CENPE: variants seen among roughly 807,000 people sequenced by gnomAD.
The protein encoded by CENPE is centromere-associated protein E.
Under a neutral mutation model 336.1 loss-of-function variants are expected in CENPE, and 145 were observed. The observed-to-expected ratio is 0.43, with a 90% confidence interval of 0.38 to 0.50. CENPE has a LOEUF of 0.50. Ranked by LOEUF, CENPE falls within the 20% of genes least tolerant of loss-of-function variation. The pLI is 0.00. For synonymous variants in CENPE, 1,013 were observed against 984.8 expected (o/e 1.03, Z -0.54); for missense variants, 2,719 against 3,023.3 (o/e 0.90, Z 2.36).
chr4:103,124,944 C>T (rs1373190722), intron 42 of CENPE, among the ~76,000 whole-genome samples: 1 of 152,206 alleles, frequency 6.6e-6, no homozygotes, highest in African/African-American at 2.4e-5. Flanking sequence ...TGCTGATCCA[C>T]ATAGTAGAAA....
At chr4:103,144,232 G>T in intron 33 of CENPE, 99 bp downstream of exon 33, 3 of 1,066,416 alleles carry the variant, frequency 2.8e-6, no homozygotes. Flanking sequence ...CACCGCGCCC[G>T]GCCTGGACCA....
intron 9 of CENPE, among the ~76,000 whole-genome samples, chr4:103,185,029 G>A (rs1756643353): frequency 6.6e-6 from 1 of 152,064 alleles, no homozygotes; most frequent in African/African-American, 2.4e-5. Context: ...CTTAGGCCGG[G>A]TGTGGTGGCT....
At chr4:103,119,202 C>T (rs1193072455) in intron 44 of CENPE, among the ~76,000 whole-genome samples, 1 of 152,028 alleles carries the variant, frequency 6.6e-6, no homozygotes, top group East Asian at 1.9e-4. Flanking sequence ...AATATACCTT[C>T]TATGTTTTAC....
Position 103,181,473 on chromosome 4 carries a change from A to G in CENPE, c.964-17T>C, listed in dbSNP as rs769048100. On this transcript the variant is annotated splice_polypyrimidine_tract_variant and intron_variant, in intron 11 of 48. Transcript: ENST00000265148. ...ACTGGCAAACTGGAAAAAAAATACG[A>G]AAGTGCTAAGTGTTCAACACTTAAA... The G allele has an allele frequency of 2.6e-6, 4 of 1,556,596 alleles. No individual in the cohort carries two copies. Among genetic ancestry groups the G allele is most frequent in the East Asian group, 4.8e-5 (2 of 41,702 alleles).
At chr4:103,133,964 G>T in intron 40 of CENPE, 72 bp from the exon 41 acceptor site, 2 of 910,536 alleles carry the variant, frequency 2.2e-6, no homozygotes, top group Non-Finnish European at 3.5e-6. Flanking sequence ...TCATCCTTGA[G>T]ACTATGAGGT....
Position 103,195,247 on chromosome 4 carries a change from A to C in CENPE, c.358-14T>G, listed in dbSNP as rs746396248. 7.7e-6 allele frequency: 12 copies of C among 1,564,196 alleles called. No homozygotes were observed. The highest frequency in any genetic ancestry group is 5.2e-6 in the Non-Finnish European group (6 of 1,162,544). ...CCTATCAGGAAACTAGAAGAAAAAAAATTATATAAAAACACCAGGAAGCAT... is the reference window on the plus strand; with the variant it reads ...CCTATCAGGAAACTAGAAGAAAAAACATTATATAAAAACACCAGGAAGCAT... On this transcript the variant is annotated splice_polypyrimidine_tract_variant and intron_variant, in intron 4 of 48. Coordinates refer to ENST00000265148, the MANE Select transcript of CENPE (RefSeq NM_001813.3).
intron 47 of CENPE, 50 bp downstream of exon 47, chr4:103,110,778 A>G (rs375506678): frequency 3.0e-5 from 43 of 1,411,898 alleles, no homozygotes; most frequent in Non-Finnish European, 3.9e-5. Context: ...GTCCCTACAT[A>G]TATGTAATAG....
At chr4:103,147,300 C>G in intron 29 of CENPE, 56 bp downstream of exon 29, 1 of 1,422,010 alleles carries the variant, frequency 7.0e-7, no homozygotes. Context: ...AACACAAACA[C>G]AAGCCTTGAT....
intron 11 of CENPE, chr4:103,181,808 A>G (rs1756347121): frequency 6.0e-6 from 1 of 166,190 alleles, no homozygotes; most frequent in African/African-American, 2.4e-5. Flanking sequence ...CTAGTTATTA[A>G]CCACTTAACT....
Position 103,144,440 on chromosome 4 carries a change from TC to T in CENPE, c.5035del (p.Glu1679LysfsTer3). 1.9e-6 allele frequency: 3 copies of T among 1,614,118 alleles called. No individual in the cohort carries two copies. Among genetic ancestry groups the T allele is most frequent in the Non-Finnish European group, 2.5e-6 (3 of 1,179,968 alleles). On this transcript the variant is annotated frameshift_variant, in exon 33 of 49. Transcript: ENST00000265148. LOFTEE classifies it high-confidence loss of function. ...TTCTTTTGTTACAGATCTCATTTCT[TC>T]AAGGTTTTCATGTAGTATCTGAGTC... ...RLTQILHENL[E>X]EMRSVTKERD...
chr4:103,159,962 G>A (rs916183441), intron 21 of CENPE, among the ~76,000 whole-genome samples: 4 of 151,844 alleles, frequency 2.6e-5, no homozygotes, highest in Non-Finnish European at 5.9e-5. Context: ...GCAATACAGC[G>A]TGTAGCTACA....
intron 16 of CENPE, among the ~76,000 whole-genome samples, chr4:103,173,822 A>G (rs1755629138): frequency 6.6e-6 from 1 of 152,026 alleles, no homozygotes; most frequent in Admixed American, 6.6e-5. Context: ...ACAGTGAGGT[A>G]TTGCCTCATC....
intron 16 of CENPE, among the ~76,000 whole-genome samples, chr4:103,164,487 A>T (rs1334424281): frequency 6.6e-6 from 1 of 152,076 alleles, no homozygotes; most frequent in Non-Finnish European, 1.5e-5. Flanking sequence ...TTACTATTTT[A>T]GGTCAGTGCT....
At chr4:103,172,112 T>C (rs1755464144) in intron 16 of CENPE, among the ~76,000 whole-genome samples, 1 of 152,000 alleles carries the variant, frequency 6.6e-6, no homozygotes, top group Non-Finnish European at 1.5e-5. Context: ...TCCTAACTTA[T>C]TCTACAAGGC....
At chr4:103,166,668 C>A (rs1156918733) in intron 16 of CENPE, among the ~76,000 whole-genome samples, 4 of 152,192 alleles carry the variant, frequency 2.6e-5, no homozygotes, top group East Asian at 1.9e-4. Flanking sequence ...AGGGTCATGG[C>A]CTTTTGGGCT....
intron 24 of CENPE, among the ~76,000 whole-genome samples, chr4:103,154,141 G>C (rs972843124): frequency 1.3e-5 from 2 of 151,366 alleles, no homozygotes; most frequent in South Asian, 4.2e-4. Flanking sequence ...GCCTACACAG[G>C]TATTTAAAAG....
chr4:103,184,923 T>C (rs2126029518), intron 9 of CENPE, among the ~76,000 whole-genome samples: 1 of 152,328 alleles, frequency 6.6e-6, no homozygotes, highest in Non-Finnish European at 1.5e-5. Flanking sequence ...CACAGAGGCC[T>C]GATATCCTTG....
intron 9 of CENPE, among the ~76,000 whole-genome samples, chr4:103,185,322 AAAG>A (rs1756672725): frequency 6.6e-6 from 1 of 151,876 alleles, no homozygotes; most frequent in Non-Finnish European, 1.5e-5. Flanking sequence ...AAAAAAAAAA[AAAG>A]TTTTCTTTAT....
At chr4:103,176,491 T>C (rs1006928931) in intron 14 of CENPE, among the ~76,000 whole-genome samples, 5 of 152,188 alleles carry the variant, frequency 3.3e-5, no homozygotes, top group South Asian at 2.1e-4. Context: ...ACCTGTCTCA[T>C]GTGTGTTTCA....
Sources: allele counts gnomAD v4.1 joint callset (sites outside exome capture counted in the v4.1 genomes callset), GRCh38; gene constraint gnomAD v4.1.1; transcripts MANE v1.5; gene names NCBI Gene and HGNC (gene_info 2026-07-23, HGNC 2026-07-21).